Variants in DLGAP4 observed in about 807,000 individuals in gnomAD.
DLGAP4 encodes DLG associated protein 4.
In DLGAP4, 18 loss-of-function variants were observed where a neutral mutation model predicts 86.9. That is an observed-to-expected ratio of 0.21 (90% CI 0.14 to 0.31). DLGAP4 has a LOEUF of 0.31. Among genes scored for constraint, DLGAP4 ranks in the 10% least tolerant of loss-of-function variants. The pLI is 1.00. For synonymous variants in DLGAP4, 548 were observed against 574.3 expected, an observed-to-expected ratio of 0.95 and a Z score of 0.65; for missense variants, 1,085 against 1,362.6, an observed-to-expected ratio of 0.80 and a Z score of 3.21.
intron 2 of DLGAP4, among the ~76,000 whole-genome samples, chr20:36,399,182 T>C (rs2032083027): frequency 6.6e-6 from 1 of 151,902 alleles, no homozygotes; most frequent in Non-Finnish European, 1.5e-5. Context: ...AGCAACAGAG[T>C]GAGACTCTGT....
Position 36,393,189 on chromosome 20 carries a change from G to A in DLGAP4, c.-73+25914G>A, listed in dbSNP as rs2031840764. On this transcript the variant is annotated intron_variant, in intron 2 of 12. Coordinates refer to ENST00000339266, the MANE Select transcript of DLGAP4 (RefSeq NM_001365621.2). The surrounding 1 kb of genome is among the most constrained non-coding windows in gnomAD (Gnocchi z 4.4). ...TGGGAGTCATTAGGGCAGAAGGGGT[G>A]GAAGGGGGTGATTCAAATCCCAGGG... Among the ~76,000 whole-genome samples the A allele has an allele frequency of 1.3e-5, 2 of 152,102 alleles. No homozygotes were observed. Among genetic ancestry groups the A allele is most frequent in the South Asian group, 2.1e-4 (1 of 4,820 alleles).
intron 7 of DLGAP4, among the ~76,000 whole-genome samples, chr20:36,470,879 C>T (rs1363491827): frequency 3.3e-5 from 5 of 152,152 alleles, no homozygotes; most frequent in African/African-American, 1.2e-4. Flanking sequence ...TTGTCCTCTA[C>T]TCAAGGATGT....
rs62213217 is a variant in DLGAP4 at position 36,308,411 on chromosome 20, C to A, written c.-304+1899C>A. ...TGCTGAAGAGAAACTGTGAGCTGGA[C>A]GGGACCTGATGGCTGGGTTATGTGG... On this transcript the variant is annotated intron_variant, in intron 1 of 12. Coordinates refer to ENST00000339266, the MANE Select transcript of DLGAP4 (RefSeq NM_001365621.2). The surrounding 1 kb of genome is among the most constrained non-coding windows in gnomAD (Gnocchi z 4.5). 0.026 allele frequency among the ~76,000 whole-genome samples: 3,905 copies of A among 152,204 alleles called. 73 individuals are homozygous for A. Among genetic ancestry groups the A allele is most frequent in the African/African-American group, 0.051 (2,133 of 41,544 alleles).
At chr20:36,315,538 A>G (rs2065091050) in intron 1 of DLGAP4, among the ~76,000 whole-genome samples, 1 of 152,036 alleles carries the variant, frequency 6.6e-6, no homozygotes, top group South Asian at 2.1e-4. Flanking sequence ...TTGGGTGGCC[A>G]TGGTTGGGTC....
intron 2 of DLGAP4, among the ~76,000 whole-genome samples, chr20:36,385,941 T>C (rs2031580170): frequency 6.6e-6 from 1 of 152,156 alleles, no homozygotes; most frequent in Non-Finnish European, 1.5e-5. Flanking sequence ...GAGATCTAGC[T>C]GCACCCTCCT....
intron 1 of DLGAP4, among the ~76,000 whole-genome samples, chr20:36,340,481 C>T (rs1288072544): frequency 1.3e-5 from 2 of 152,168 alleles, no homozygotes; most frequent in African/African-American, 4.8e-5. Context: ...AGGCAGGAAA[C>T]ACCAGGGGCT....
rs782746564 is a variant in DLGAP4, at chr20:36,308,528, AG to A, written c.-304+2018del. 1.1e-4 allele frequency among the ~76,000 whole-genome samples: 16 copies of A among 152,220 alleles called. No individual in the cohort carries two copies. Among genetic ancestry groups the A allele is most frequent in the Non-Finnish European group, 1.9e-4 (13 of 68,034 alleles). ...CTGGCAGCTGAGTTGGTGTTTTTGA[AG>A]GAAGGCTGTGCAGCACTTGGGAACT... On this transcript the variant is annotated intron_variant, in intron 1 of 12. Coordinates refer to ENST00000339266, the MANE Select transcript of DLGAP4 (RefSeq NM_001365621.2). This position sits in a 1 kb window ranked among gnomAD's most constrained non-coding sequence, Gnocchi z 4.5.
intron 10 of DLGAP4, among the ~76,000 whole-genome samples, chr20:36,521,239 G>A (rs2147855253): frequency 6.6e-6 from 1 of 152,334 alleles, no homozygotes; most frequent in Non-Finnish European, 1.5e-5. Context: ...GGGATTACAG[G>A]CGTGAGCCTC....
At chr20:36,497,360 G>C in intron 8 of DLGAP4, 2 of 1,263,010 alleles carry the variant, frequency 1.6e-6, no homozygotes, top group Non-Finnish European at 2.0e-6. Flanking sequence ...CTGTTTGCCT[G>C]TCCACTGTCT....
intron 10 of DLGAP4, among the ~76,000 whole-genome samples, chr20:36,504,803 G>A (rs2036289959): frequency 6.6e-6 from 1 of 152,206 alleles, no homozygotes; most frequent in Non-Finnish European, 1.5e-5. Flanking sequence ...ATGTCTTCTT[G>A]GAAGAAATGG....
intron 1 of DLGAP4, among the ~76,000 whole-genome samples, chr20:36,355,973 G>C (rs2030313461): frequency 6.6e-6 from 1 of 152,214 alleles, no homozygotes; most frequent in Non-Finnish European, 1.5e-5. Context: ...AGGCCAATCA[G>C]TGTGTTCCAT....
chr20:36,340,845 A>G (rs963664680), intron 1 of DLGAP4, among the ~76,000 whole-genome samples: 1 of 152,176 alleles, frequency 6.6e-6, no homozygotes, highest in Non-Finnish European at 1.5e-5. Flanking sequence ...AGGGGGAGGC[A>G]TAATTAGCTG....
At chr20:36,326,400 T>C (rs1381078652) in intron 1 of DLGAP4, among the ~76,000 whole-genome samples, 9 of 152,108 alleles carry the variant, frequency 5.9e-5, no homozygotes, top group Admixed American at 2.0e-4. Flanking sequence ...GTGCTTGCAG[T>C]ATGGCTTACA....
intron 1 of DLGAP4, among the ~76,000 whole-genome samples, chr20:36,313,866 G>A (rs1403745856): frequency 6.6e-6 from 1 of 152,184 alleles, no homozygotes; most frequent in Admixed American, 6.5e-5. Flanking sequence ...GCACCTCCCT[G>A]TGCCCTCTCT....
chr20:36,462,725 A>C, intron 7 of DLGAP4: 16 of 1,277,276 alleles, frequency 1.3e-5, no homozygotes, highest in South Asian at 1.6e-5. Flanking sequence ...GCCTCCCACA[A>C]AGGGGGAAAG....
intron 7 of DLGAP4, among the ~76,000 whole-genome samples, chr20:36,489,182 G>A (rs1443140685): frequency 6.6e-6 from 1 of 152,194 alleles, no homozygotes; most frequent in Non-Finnish European, 1.5e-5. Flanking sequence ...CTCAGCTGGG[G>A]TTGTGTGTAG....
In DLGAP4 at chr20:36,436,130, T is replaced by C; in HGVS notation, c.1021T>C (p.Trp341Arg). The stretch of plus-strand genomic sequence containing the variant: ...CCAGGTGCCCGGCGGCGGCGGCGAG[T>C]GGAGCACCACGCTGCTGTCCCCACG... ...YLQVPGGGGE[W>R]STTLLSPRET... is the part of the protein sequence containing the mutation. Residue 341 changes from tryptophan (W) to arginine (R), a missense_variant, in exon 4 of 13, where the codon TGG becomes CGG. Trp to Arg is a moderately radical substitution (Grantham distance 101). Around this residue, in one of 2 missense-constraint regions of DLGAP4, gnomAD observed 1,082 missense variants for 1,344.1 expected, o/e 0.81. Transcript: ENST00000339266. 6.3e-7 allele frequency: 1 copy of C among 1,580,176 alleles called. No individual in the cohort carries two copies. The highest frequency in any genetic ancestry group is 8.5e-7 in the Non-Finnish European group (1 of 1,169,668).
intron 10 of DLGAP4, among the ~76,000 whole-genome samples, chr20:36,514,408 C>T (rs1458644366): frequency 6.6e-6 from 1 of 152,062 alleles, no homozygotes; most frequent in African/African-American, 2.4e-5. Flanking sequence ...ACAGCTGTTT[C>T]GTTGTTGTTG....
rs1282044758 is a variant in DLGAP4 at position 36,499,584 on chromosome 20, T to C, written c.2011-4T>C. 2 of 1,613,832 alleles carry C rather than the reference T, an allele frequency of 1.2e-6. No individual in the cohort carries two copies. Among genetic ancestry groups the C allele is most frequent in the Non-Finnish European group, 1.7e-6 (2 of 1,179,884 alleles). On this transcript the variant is annotated splice_polypyrimidine_tract_variant and splice_region_variant and intron_variant, in intron 8 of 12. Coordinates refer to ENST00000339266, the MANE Select transcript of DLGAP4 (RefSeq NM_001365621.2). Reference sequence around the variant, plus strand: ...TGCCGTTGCTGTCGTTGTCCTTCAATAAGGTTGACTGCATTCAGCCAGTGC... The same window carrying C: ...TGCCGTTGCTGTCGTTGTCCTTCAACAAGGTTGACTGCATTCAGCCAGTGC...
Sources: allele counts gnomAD v4.1 joint callset (sites outside exome capture counted in the v4.1 genomes callset), GRCh38; gene constraint gnomAD v4.1.1; regional missense constraint gnomAD v4.1.1; non-coding constraint Gnocchi (gnomAD v3.1); transcripts MANE v1.5; gene names NCBI Gene and HGNC (gene_info 2026-07-23, HGNC 2026-07-21).